The following SORCS2 variants were observed in gnomAD, a reference collection of about 807,000 sequenced individuals.
The protein encoded by SORCS2 is VPS10 domain-containing receptor SorCS2.
Under a neutral mutation model 141.6 loss-of-function variants are expected in SORCS2, and 100 were observed. That is an observed-to-expected ratio of 0.71 (90% CI 0.60 to 0.83). The LOEUF (loss-of-function observed/expected upper bound fraction) is 0.83, where lower values mean the gene tolerates loss of function less well. Ranked by LOEUF, SORCS2 falls within the 40% of genes least tolerant of loss-of-function variation. The pLI is 0.00. For missense variants in SORCS2, 1,646 were observed against 1,560.2 expected, an observed-to-expected ratio of 1.05 and a Z score of -0.93; for synonymous variants, 789 against 676.9, an observed-to-expected ratio of 1.17 and a Z score of -2.57.
intron 2 of SORCS2, among the ~76,000 whole-genome samples, chr4:7,526,965 T>C (rs1409927679): frequency 6.6e-6 from 1 of 152,242 alleles, no homozygotes; most frequent in African/African-American, 2.4e-5. Flanking sequence ...ATGCTAAGTC[T>C]TTGAAATCAG....
At chr4:7,596,581 C>G (rs1717290878) in intron 3 of SORCS2, among the ~76,000 whole-genome samples, 2 of 152,174 alleles carry the variant, frequency 1.3e-5, no homozygotes, top group South Asian at 2.1e-4. Context: ...CATTTCCATC[C>G]CCTTCAGACA....
intron 4 of SORCS2, among the ~76,000 whole-genome samples, chr4:7,646,897 A>G (rs1721118496): frequency 1.3e-5 from 2 of 152,154 alleles, no homozygotes; most frequent in Admixed American, 6.5e-5. Flanking sequence ...CGGGAGGCAC[A>G]TGCGCGTTTT....
At chr4:7,509,716 G>T (rs1399623315) in intron 2 of SORCS2, among the ~76,000 whole-genome samples, 1 of 152,186 alleles carries the variant, frequency 6.6e-6, no homozygotes, top group Non-Finnish European at 1.5e-5. Context: ...CTGCTGCCAG[G>T]CTATGCCCCA....
intron 2 of SORCS2, among the ~76,000 whole-genome samples, chr4:7,521,793 G>A (rs907307487): frequency 6.6e-6 from 1 of 152,208 alleles, no homozygotes; most frequent in Non-Finnish European, 1.5e-5. Flanking sequence ...GTGAATACAT[G>A]TACCCTCAAG....
chr4:7,713,456 G>T (rs886673564), intron 15 of SORCS2, among the ~76,000 whole-genome samples: 2 of 152,144 alleles, frequency 1.3e-5, no homozygotes, highest in African/African-American at 2.4e-5. Context: ...AAAGCGCGGG[G>T]TGGAAGACTT....
intron 2 of SORCS2, among the ~76,000 whole-genome samples, chr4:7,530,836 C>T (rs570988539): frequency 1.3e-5 from 2 of 152,326 alleles, no homozygotes; most frequent in South Asian, 4.1e-4. Flanking sequence ...GCCAGGAGGG[C>T]CTTGCCCAAG....
Position 7,193,201 on chromosome 4 carries a change from C to A in SORCS2, c.480+75C>A. 1 of 1,377,806 alleles carries A rather than the reference C, an allele frequency of 7.3e-7. No individual in the cohort carries two copies. Among genetic ancestry groups the A allele is most frequent in the Non-Finnish European group, 9.4e-7 (1 of 1,068,338 alleles). 85.3% of individuals were successfully genotyped at this position (1,377,806 alleles called of 1,614,324 possible). A position where few individuals can be genotyped will look rare whatever the true frequency, so the allele number is the denominator to read the frequency against. On this transcript the variant is annotated intron_variant, in intron 1 of 26. Coordinates refer to ENST00000507866, the MANE Select transcript of SORCS2 (RefSeq NM_020777.3). The surrounding 1 kb of genome is among the most constrained non-coding windows in gnomAD (Gnocchi z 4.8). ...GACACCCGGGCGGGACCGCCACGGC[C>A]CCCACCCCAGATCCCCACTATGGTC...
rs149570522 is a variant in SORCS2, at chr4:7,602,943, G to A, written c.649-35385G>A. Reference sequence around the variant, plus strand: ...AGGCCGAAGCTGGCAGATCACTCGCGGTCAGGAGCTGGAGACCAGCCCGAC... The same window carrying A: ...AGGCCGAAGCTGGCAGATCACTCGCAGTCAGGAGCTGGAGACCAGCCCGAC... On this transcript the variant is annotated intron_variant, in intron 3 of 26. Transcript: ENST00000507866. 6.8e-3 allele frequency among the ~76,000 whole-genome samples: 1,038 copies of A among 152,324 alleles called. 15 individuals are homozygous for A. Among genetic ancestry groups the A allele is most frequent in the African/African-American group, 0.023 (974 of 41,558 alleles).
intron 2 of SORCS2, among the ~76,000 whole-genome samples, chr4:7,415,686 C>T (rs961655894): frequency 6.6e-5 from 10 of 152,206 alleles, no homozygotes; most frequent in African/African-American, 1.7e-4. Flanking sequence ...GCATCTAGAA[C>T]GATGGTCAGA....
intron 1 of SORCS2, among the ~76,000 whole-genome samples, chr4:7,207,959 C>T (rs1045934543): frequency 2.6e-5 from 4 of 152,082 alleles, no homozygotes; most frequent in African/African-American, 9.7e-5. Flanking sequence ...CGGGGAAATC[C>T]AAAACCCGGG....
chr4:7,610,913 T>A (rs1425589098), intron 3 of SORCS2, among the ~76,000 whole-genome samples: 1 of 152,142 alleles, frequency 6.6e-6, no homozygotes, highest in African/African-American at 2.4e-5. Context: ...CAGGTCTTGG[T>A]GCCAGGGACT....
intron 2 of SORCS2, among the ~76,000 whole-genome samples, chr4:7,525,439 C>T (rs969093675): frequency 1.3e-5 from 2 of 152,058 alleles, no homozygotes; most frequent in African/African-American, 4.8e-5. Flanking sequence ...AGTGGGCGGA[C>T]ATGAGCCCAG....
intron 2 of SORCS2, among the ~76,000 whole-genome samples, chr4:7,475,332 G>T (rs1270781133): frequency 6.6e-6 from 1 of 152,212 alleles, no homozygotes; most frequent in South Asian, 2.1e-4. Flanking sequence ...GCAGATCAGT[G>T]TGTGGAACAC....
At chr4:7,300,238 G>T (rs1260962403) in intron 1 of SORCS2, among the ~76,000 whole-genome samples, 1 of 152,150 alleles carries the variant, frequency 6.6e-6, no homozygotes, top group African/African-American at 2.4e-5. Flanking sequence ...TGGCCCAGGA[G>T]TGAGAGGTCT....
At position 7,737,111 on chromosome 4, in the gene SORCS2, G is replaced by C. The variant is rs1280743012; in HGVS notation, c.3354G>C (p.Glu1118Asp). Residue 1118 changes from glutamate to aspartate, a missense_variant, in exon 26 of 27, where the codon GAG becomes GAC. By Grantham distance (45) the Glu-to-Asp change is conservative. Coordinates refer to ENST00000507866, the MANE Select transcript of SORCS2 (RefSeq NM_020777.3). ...GRTVYAQMHN[E>D]KEQEMTSPVS... ...CCGTGTACGCCCAAATGCACAACGA[G>C]AAGGAGCAGGAGATGACCAGCCCTG... 6.4e-7 allele frequency: 1 copy of C among 1,551,484 alleles called. No individual in the cohort carries two copies. The highest frequency in any genetic ancestry group is 8.7e-7 in the Non-Finnish European group (1 of 1,146,958).
At chr4:7,379,013 C>A (rs3864217) in intron 1 of SORCS2, among the ~76,000 whole-genome samples, 21,286 of 152,136 alleles carry the variant, frequency 0.14, 2,640 homozygotes, top group East Asian at 0.57. Flanking sequence ...TATGCATACC[C>A]CGGCCTTTGT....
chr4:7,729,179 G>A (rs1727429774), intron 22 of SORCS2, among the ~76,000 whole-genome samples: 1 of 152,222 alleles, frequency 6.6e-6, no homozygotes, highest in Admixed American at 6.5e-5. Flanking sequence ...TGGGGTGTTA[G>A]GGAGTGGGAA....
At chr4:7,473,280 G>A (rs1015809255) in intron 2 of SORCS2, among the ~76,000 whole-genome samples, 4 of 152,122 alleles carry the variant, frequency 2.6e-5, no homozygotes, top group Admixed American at 2.0e-4. Flanking sequence ...TGCCCATGCG[G>A]GAGGGGCTGA....
At chr4:7,690,848 A>G (rs1479318460) in intron 11 of SORCS2, among the ~76,000 whole-genome samples, 1 of 152,218 alleles carries the variant, frequency 6.6e-6, no homozygotes, top group Non-Finnish European at 1.5e-5. Context: ...CCAAAATTAT[A>G]ATTTTTGTGT....
Sources: gnomAD v4.1 joint callset for allele counts (sites outside exome capture counted in the v4.1 genomes callset) on GRCh38, gnomAD v4.1.1 for gene constraint, Gnocchi (gnomAD v3.1) non-coding constraint, MANE v1.5 for transcripts, NCBI Gene and HGNC (gene_info 2026-07-23, HGNC 2026-07-21) for gene names.